The following ELOF1 variants were observed in gnomAD, a reference collection of about 807,000 sequenced individuals.
ELOF1 encodes the protein transcription elongation factor 1 homolog.
In ELOF1, 4 loss-of-function variants were observed where a neutral mutation model predicts 7.1. That is an observed-to-expected ratio of 0.56 (90% CI 0.28 to 1.29). ELOF1 has a LOEUF of 1.29. Ranked by LOEUF, ELOF1 falls within the 50% of genes most tolerant of loss-of-function variation. The probability of loss-of-function intolerance (pLI) is 0.10; values close to 1 mark genes in which losing one functional copy is unlikely to be tolerated. For synonymous variants in ELOF1, 31 were observed against 31.9 expected, an observed-to-expected ratio of 0.97 and a Z score of 0.09; for missense variants, 59 against 86.3, an observed-to-expected ratio of 0.68 and a Z score of 1.25.
intron 1 of ELOF1, chr19:11,555,400 T>C (rs1972817537): frequency 1.3e-5 from 2 of 152,756 alleles, no homozygotes; most frequent in African/African-American, 4.8e-5. Context: ...CCACTGTTCC[T>C]GGGGAGGGTG....
chr19:11,554,267 G>A (rs1246156937), exon 2 of ELOF1: 1 of 1,613,894 alleles, frequency 6.2e-7, no homozygotes, highest in African/African-American at 1.3e-5. Context: ...GGTTGCAGAA[G>A]GGGCAGGTGA....
chr19:11,553,643 G>C, intron 3 of ELOF1: 1 of 1,238,852 alleles, frequency 8.1e-7, no homozygotes, highest in Non-Finnish European at 1.2e-6. Context: ...GGCTGTGACA[G>C]CCCAGGACCC....
intron 1 of ELOF1, among the ~76,000 whole-genome samples, chr19:11,556,541 C>T (rs570384373): frequency 7.9e-5 from 12 of 152,026 alleles, no homozygotes; most frequent in South Asian, 4.2e-4. Flanking sequence ...CCTCGTGATC[C>T]GCCTGTCTCG....
chr19:11,553,751 G>A, intron 3 of ELOF1: 1 of 1,614,204 alleles, frequency 6.2e-7, no homozygotes, highest in Non-Finnish European at 8.5e-7. Flanking sequence ...TGTCGCTACT[G>A]ATTGGCCGCC....
rs57015096 is a variant in ELOF1 at position 11,553,582 on chromosome 19, T to TACACACACACACACAC, written c.187+413_187+428dup. 80 of 606,116 alleles carry TACACACACACACACAC rather than the reference T, an allele frequency of 1.3e-4. 1 individual carries two copies. The East Asian group carries it at 1.4e-3, about 10-fold the overall frequency. The allele number at this position is 606,116 out of a possible 1,614,324, so 37.5% of individuals were successfully genotyped here. Reference sequence around the variant, plus strand: ...CACCCACACCCACACGCACACCCACTACACACACACACACACACACACACA... The same window carrying TACACACACACACACAC: ...CACCCACACCCACACGCACACCCACTACACACACACACACACACACACACACACACACACACACACA... On this transcript the variant is annotated intron_variant, in intron 3 of 3. Transcript: ENST00000586683.
At chr19:11,557,787 G>A (rs1287030242) in intron 1 of ELOF1, among the ~76,000 whole-genome samples, 3 of 149,724 alleles carry the variant, frequency 2.0e-5, no homozygotes, top group African/African-American at 2.5e-5. Flanking sequence ...CAGCTACTCG[G>A]GAGGCTGAGG....
chr19:11,553,138 G>C (rs778731994), intron 3 of ELOF1: 2 of 401,246 alleles, frequency 5.0e-6, no homozygotes, highest in Non-Finnish European at 8.8e-6. Flanking sequence ...AACATGAAAC[G>C]GGCTTCCTGG....
Position 11,553,652 on chromosome 19 carries a change from C to CCA in ELOF1, c.187+357_187+358dup, listed in dbSNP as rs958578612. On this transcript the variant is annotated intron_variant, in intron 3 of 3. Coordinates refer to ENST00000586683, the Ensembl canonical transcript of ELOF1. ...ACACACGGCTGTGACAGCCCAGGAC[C>CCA]CACACCCTGGACCCCTGGAATGTCT... 2.1e-6 allele frequency: 3 copies of CCA among 1,407,392 alleles called. No homozygotes were observed. The African/African-American group carries it at 4.3e-5, about 20-fold the overall frequency. 87.2% of individuals were successfully genotyped at this position (1,407,392 alleles called of 1,614,324 possible). A position where few individuals can be genotyped will look rare whatever the true frequency, so the allele number is the denominator to read the frequency against.
rs1024880120 is a variant in ELOF1 at position 11,556,535 on chromosome 19, G to A, written c.-18-2170C>T. 2.0e-5 allele frequency among the ~76,000 whole-genome samples: 3 copies of A among 152,096 alleles called. 1 individual carries two copies. Among genetic ancestry groups the A allele is most frequent in the African/African-American group, 7.2e-5 (3 of 41,498 alleles). On this transcript the variant is annotated intron_variant, in intron 1 of 3. Coordinates refer to ENST00000586683, the Ensembl canonical transcript of ELOF1. Reference sequence around the variant, plus strand: ...AGGATGGTCTCGATCTCCTGACCTCGTGATCCGCCTGTCTCGGCCTCCCAA... The same window carrying A: ...AGGATGGTCTCGATCTCCTGACCTCATGATCCGCCTGTCTCGGCCTCCCAA...
intron 3 of ELOF1, chr19:11,553,685 A>C (rs1243180294): frequency 6.2e-7 from 1 of 1,607,282 alleles, no homozygotes; most frequent in African/African-American, 1.3e-5. Flanking sequence ...TCTCTGGACC[A>C]GAACCGAACA....
At chr19:11,556,362 T>C (rs920379974) in intron 1 of ELOF1, among the ~76,000 whole-genome samples, 18 of 151,960 alleles carry the variant, frequency 1.2e-4, no homozygotes, top group Admixed American at 9.2e-4. Flanking sequence ...TGCAGTGGCA[T>C]GATCTCGACC....
chr19:11,553,713 C>G (rs761022300), intron 3 of ELOF1: 2 of 1,613,912 alleles, frequency 1.2e-6, no homozygotes, highest in Admixed American at 3.3e-5. Flanking sequence ...CCACAGTACG[C>G]GGGGCTGCTC....
intron 1 of ELOF1, among the ~76,000 whole-genome samples, chr19:11,556,120 G>A (rs1972830312): frequency 6.6e-6 from 1 of 152,036 alleles, no homozygotes; most frequent in Admixed American, 6.6e-5. Context: ...CGGTGCTCAG[G>A]GCACTGTGTT....
chr19:11,554,461 G>C (rs1972797572), intron 1 of ELOF1, 96 bp from the exon 2 acceptor site: 1 of 1,498,332 alleles, frequency 6.7e-7, no homozygotes, highest in African/African-American at 1.4e-5. Context: ...TCTGGGACTT[G>C]CACCGTGGTC....
chr19:11,558,757 T>A (rs1599621882), intron 1 of ELOF1, among the ~76,000 whole-genome samples: 1 of 150,402 alleles, frequency 6.6e-6, no homozygotes, highest in East Asian at 2.0e-4. Flanking sequence ...AAACAAAATC[T>A]ACGGATGAGC....
chr19:11,554,292 G>A (rs1226429862), exon 2 of ELOF1: 2 of 1,614,022 alleles, frequency 1.2e-6, no homozygotes, highest in Admixed American at 1.7e-5. Context: ...GGTCTCGAGG[G>A]TGCCTGTCAT....
exon 2 of ELOF1, chr19:11,554,294 G>C (rs1464459883): frequency 6.2e-7 from 1 of 1,614,040 alleles, no homozygotes; most frequent in Non-Finnish European, 8.5e-7. Context: ...TCTCGAGGGT[G>C]CCTGTCATCT....
chr19:11,553,833 G>A (rs375072399), intron 3 of ELOF1, 23 bp from the exon 4 acceptor site: 8 of 1,614,032 alleles, frequency 5.0e-6, no homozygotes, highest in African/African-American at 2.7e-5. Flanking sequence ...GGTCAAGGGC[G>A]ATCATTGGCA....
chr19:11,557,365 G>A (rs558116335), intron 1 of ELOF1, among the ~76,000 whole-genome samples: 1 of 152,230 alleles, frequency 6.6e-6, no homozygotes, highest in East Asian at 1.9e-4. Context: ...GGAGGCCAAG[G>A]TGGGCAGATC....
Sources: gnomAD v4.1 joint callset for allele counts (sites outside exome capture counted in the v4.1 genomes callset) on GRCh38, gnomAD v4.1.1 for gene constraint, MANE v1.5 for transcripts, NCBI Gene and HGNC (gene_info 2026-07-23, HGNC 2026-07-21) for gene names.